Variants in PALS2 observed in about 807,000 individuals in gnomAD.
The protein encoded by PALS2 is protein PALS2.
PALS2 carries 27 observed loss-of-function variants against 61.6 expected under a neutral mutation model. The observed-to-expected ratio is 0.44, with a 90% CI of 0.32 to 0.60. The LOEUF is 0.60. PALS2 is among the 20% of genes least tolerant of loss of function. The pLI, the probability that PALS2 is intolerant of heterozygous loss-of-function variation, is 0.05. For synonymous variants in PALS2, 236 were observed against 218.6 expected (o/e 1.08, Z -0.70); for missense variants, 554 against 639.4 (o/e 0.87, Z 1.44).
At chr7:24,675,491 T>C (rs1484582342) in intron 9 of PALS2, among the ~76,000 whole-genome samples, 3 of 150,516 alleles carry the variant, frequency 2.0e-5, no homozygotes, top group South Asian at 2.1e-4. Flanking sequence ...GCTGCACCCA[T>C]TAACTCGTCA....
chr7:24,613,621 C>T (rs550621999), intron 1 of PALS2, among the ~76,000 whole-genome samples: 2 of 151,730 alleles, frequency 1.3e-5, no homozygotes, highest in African/African-American at 4.8e-5. Flanking sequence ...TCTCTTCAGC[C>T]GCTTGAAAAT....
rs147884716 is a variant in PALS2, at chr7:24,662,042, A to T, written c.652-1548A>T. ...AGTTAGCCAATTGTCACACTTTAGC[A>T]ATCTTAATGTTTGTATGCTTGCTTT... On this transcript the variant is annotated intron_variant, in intron 5 of 11. Coordinates refer to ENST00000222644, the MANE Select transcript of PALS2 (RefSeq NM_001303037.2). 4.1e-4 allele frequency among the ~76,000 whole-genome samples: 63 copies of T among 152,338 alleles called. 1 individual carries two copies. Among genetic ancestry groups the T allele is most frequent in the Middle Eastern group, 3.4e-3 (1 of 294 alleles).
intron 1 of PALS2, among the ~76,000 whole-genome samples, chr7:24,591,263 G>C (rs1335786677): frequency 6.6e-6 from 1 of 152,014 alleles, no homozygotes; most frequent in Non-Finnish European, 1.5e-5. Flanking sequence ...GTCATTTTAA[G>C]TTTGAATTTA....
At chr7:24,624,615 T>C (rs2128058229) in intron 2 of PALS2, among the ~76,000 whole-genome samples, 1 of 144,118 alleles carries the variant, frequency 6.9e-6, no homozygotes, top group South Asian at 2.2e-4. Context: ...CTTTTTTTTT[T>C]TTTTTTTTTG....
chr7:24,637,567 G>C (rs1335442177), intron 2 of PALS2, among the ~76,000 whole-genome samples: 2 of 151,904 alleles, frequency 1.3e-5, no homozygotes, highest in African/African-American at 4.8e-5. Context: ...TACATACATA[G>C]CTCTTTTCTC....
In PALS2 at chr7:24,649,016, A is replaced by G. The variant is rs540338536; in HGVS notation, c.271-596A>G. Among the ~76,000 whole-genome samples the G allele has an allele frequency of 2.0e-5, 3 of 152,208 alleles. No homozygotes were observed. The South Asian group carries it at 6.2e-4, about 32-fold the overall frequency. ...AAAAAAATACGTTATATTCGGGACTATTACTGACTTGTTTTTTTGCTCAAA... is the reference window on the plus strand; with the variant it reads ...AAAAAAATACGTTATATTCGGGACTGTTACTGACTTGTTTTTTTGCTCAAA... On this transcript the variant is annotated intron_variant, in intron 3 of 11. Coordinates refer to ENST00000222644, the MANE Select transcript of PALS2 (RefSeq NM_001303037.2).
At chr7:24,575,972 T>A (rs1040858353) in intron 1 of PALS2, among the ~76,000 whole-genome samples, 8 of 152,256 alleles carry the variant, frequency 5.3e-5, no homozygotes, top group East Asian at 3.9e-4. Flanking sequence ...TTTTTTTTTT[T>A]AAATCAGAAC....
At chr7:24,598,041 G>T (rs1783585771) in intron 1 of PALS2, among the ~76,000 whole-genome samples, 1 of 152,122 alleles carries the variant, frequency 6.6e-6, no homozygotes, top group African/African-American at 2.4e-5. Flanking sequence ...GGTGAGGGGA[G>T]ATGATTACTT....
chr7:24,679,062 A>G (rs979345888), intron 9 of PALS2, 69 bp from the exon 10 acceptor site: 19 of 1,396,108 alleles, frequency 1.4e-5, no homozygotes, highest in Non-Finnish European at 1.6e-5. Flanking sequence ...AAGCCACCCT[A>G]TGTATTTTAG....
rs1274329385 is a variant in PALS2 at position 24,691,405 on chromosome 7, G to GTGTGTGTGTGTGTGTGTGTATATATA, written c.*3792_*3793insGTGTGTGTGTGTGTGTGTATATATAT. 1 of 110,594 alleles carries GTGTGTGTGTGTGTGTGTGTATATATA rather than the reference G, an allele frequency of 9.0e-6. No individual in the cohort carries two copies. The highest frequency in any genetic ancestry group is 3.1e-5 in the African/African-American group (1 of 32,340). 6.9% of individuals were successfully genotyped at this position (110,594 alleles called of 1,614,324 possible). A position where few individuals can be genotyped will look rare whatever the true frequency, so the allele number is the denominator to read the frequency against. On this transcript the variant is annotated 3_prime_UTR_variant, in exon 12 of 12. Coordinates refer to ENST00000222644, the MANE Select transcript of PALS2 (RefSeq NM_001303037.2). ...ATATTATGTATGTGTGTGTGTGTGT[G>GTGTGTGTGTGTGTGTGTGTATATATA]TATATATATATATATATATATATAT...
chr7:24,584,877 G>C (rs376489563), intron 1 of PALS2, among the ~76,000 whole-genome samples: 101 of 151,784 alleles, frequency 6.7e-4, no homozygotes, highest in African/African-American at 2.4e-3. Flanking sequence ...AGCTTTCTAC[G>C]TATGGCTAGC....
rs1199333587 is a variant in PALS2 at position 24,692,656 on chromosome 7, T to C, written c.*5042T>C. 1 of 152,178 alleles carries C rather than the reference T, an allele frequency of 6.6e-6. No individual in the cohort carries two copies. Among genetic ancestry groups the C allele is most frequent in the Non-Finnish European group, 1.5e-5 (1 of 68,014 alleles). The allele number at this position is 152,178 out of a possible 1,614,324, so 9.4% of individuals were successfully genotyped here. A position where few individuals can be genotyped will look rare whatever the true frequency, so the allele number is the denominator to read the frequency against. ...TTAGTCCTAATCAGAAAGTCCCTTT[T>C]ATCTTATAATCCCATACTAAATCCA... On this transcript the variant is annotated 3_prime_UTR_variant, in exon 12 of 12. Transcript: ENST00000222644.
In PALS2 at chr7:24,624,965, C is replaced by T. The variant is rs190492479; in HGVS notation, c.117+1181C>T. Among the ~76,000 whole-genome samples, 35 of 152,220 alleles carry T rather than the reference C, an allele frequency of 2.3e-4. No individual in the cohort carries two copies. The East Asian group carries it at 5.8e-3, about 25-fold the overall frequency. On this transcript the variant is annotated intron_variant, in intron 2 of 11. Coordinates refer to ENST00000222644, the MANE Select transcript of PALS2 (RefSeq NM_001303037.2). ...GCTAAAATCACATGGTATAAAGGCCCTTAAGTAGAAACGAATCCATTTGCA... is the reference window on the plus strand; with the variant it reads ...GCTAAAATCACATGGTATAAAGGCCTTTAAGTAGAAACGAATCCATTTGCA...
intron 1 of PALS2, among the ~76,000 whole-genome samples, chr7:24,595,509 AATATATAAT>A (rs201043157): frequency 0.061 from 7,088 of 117,058 alleles, 500 homozygotes; most frequent in East Asian, 0.3. Flanking sequence ...TAATATATAT[AATATATAAT>A]ATATATAATA....
intron 11 of PALS2, among the ~76,000 whole-genome samples, chr7:24,685,750 T>C (rs1464777060): frequency 1.3e-5 from 2 of 152,038 alleles, no homozygotes; most frequent in Non-Finnish European, 2.9e-5. Flanking sequence ...AAAGATATTT[T>C]AGCTGTTTCA....
intron 5 of PALS2, among the ~76,000 whole-genome samples, chr7:24,660,062 T>C (rs1786634616): frequency 6.6e-6 from 1 of 152,202 alleles, no homozygotes; most frequent in Non-Finnish European, 1.5e-5. Flanking sequence ...TTCCATCTTT[T>C]AGGATCACTA....
At chr7:24,648,922 A>G (rs896557041) in intron 3 of PALS2, among the ~76,000 whole-genome samples, 2 of 151,620 alleles carry the variant, frequency 1.3e-5, no homozygotes, top group Non-Finnish European at 2.9e-5. Context: ...AAAAAAAAAA[A>G]GCAATTCCTA....
Position 24,596,495 on chromosome 7 carries a change from TATA to T in PALS2, c.-3+22906_-3+22908del, listed in dbSNP as rs1783529888. ...ATTTGATAAAATATCTCAGTGATTC[TATA>T]ATATTTCACATTTATGAATGTTTAT... On this transcript the variant is annotated intron_variant, in intron 1 of 11. Transcript: ENST00000222644. The surrounding 1 kb of genome is among the most constrained non-coding windows in gnomAD (Gnocchi z 4.5). 1.3e-5 allele frequency among the ~76,000 whole-genome samples: 2 copies of T among 152,222 alleles called. No individual in the cohort carries two copies. The highest frequency in any genetic ancestry group is 4.1e-4 in the South Asian group (2 of 4,834).
intron 1 of PALS2, among the ~76,000 whole-genome samples, chr7:24,592,960 C>T (rs1783355680): frequency 6.6e-6 from 1 of 151,996 alleles, no homozygotes; most frequent in South Asian, 2.1e-4. Flanking sequence ...AAGTTTGCCA[C>T]ATTGGTAGAC....
Sources: gnomAD v4.1 joint callset for allele counts (sites outside exome capture counted in the v4.1 genomes callset) on GRCh38, gnomAD v4.1.1 for gene constraint, Gnocchi (gnomAD v3.1) non-coding constraint, MANE v1.5 for transcripts, NCBI Gene and HGNC (gene_info 2026-07-23, HGNC 2026-07-21) for gene names.